IRS4: variants seen among roughly 807,000 people sequenced by gnomAD.
IRS4 encodes 160 kDa phosphotyrosine protein.
In IRS4, 15 loss-of-function variants were observed where a neutral mutation model predicts 48.6. That is an observed-to-expected ratio of 0.31 (90% CI 0.21 to 0.48). The LOEUF (loss-of-function observed/expected upper bound fraction) is 0.48. IRS4 is among the 20% of genes least tolerant of loss of function. The pLI is 0.99. For synonymous variants in IRS4, 459 were observed against 413.2 expected (o/e 1.11, Z -1.34); for missense variants, 987 against 1,023.4 (o/e 0.96, Z 0.49).
chrX:108,731,881 G>A (rs1002969438), intron 1 of IRS4, among the ~76,000 whole-genome samples: 1 of 111,857 alleles, frequency 8.9e-6, no homozygotes, highest in African/African-American at 3.3e-5. Context: ...GAACACTCAA[G>A]GTTTCTGGAA....
chrX:108,734,399 G>C lies in IRS4; in HGVS notation c.1946C>G (p.Ser649Cys). ...AAAATAAAGTCTGAATCTTCCCCCAGACTTCCCTTTTCCACCAGTTCCTCC... is the reference window on the plus strand; with the variant it reads ...AAAATAAAGTCTGAATCTTCCCCCACACTTCCCTTTTCCACCAGTTCCTCC... ...PAGGTGGKGK[S>C]GGRFRLYFCV... The change falls in exon 1 of 2, where the codon TCT (serine) becomes TGT (cysteine). Residue 649 changes from serine (S) to cysteine (C), a missense_variant. Transcript: ENST00000372129. The C allele has an allele frequency of 8.3e-7, 1 of 1,211,843 alleles. No individual in the cohort carries two copies. Among genetic ancestry groups the C allele is most frequent in the African/African-American group, 1.7e-5 (1 of 57,761 alleles).
Position 108,733,254 on chromosome X carries a change from G to A in IRS4, c.3091C>T (p.Leu1031Phe), listed in dbSNP as rs2077679381. 4 of 1,211,910 alleles carry A rather than the reference G, an allele frequency of 3.3e-6. No individual in the cohort carries two copies. The highest frequency in any genetic ancestry group is 3.3e-6 in the Non-Finnish European group (3 of 895,585). ...FNSAMTPAMA[L>F]ADSAIRYDAE... ...TCATAGCGAATGGCACTGTCAGCAA[G>A]AGCCATGGCTGGTGTCATTGCTGAG... Residue 1031 changes from leucine to phenylalanine, a missense_variant, in exon 1 of 2, where the codon CTT becomes TTT. Transcript: ENST00000372129.
rs372895251 is a variant in IRS4, at chrX:108,735,376, C to T, written c.969G>A (p.Leu323=). 2.5e-6 allele frequency: 3 copies of T among 1,211,424 alleles called. No individual in the cohort carries two copies. Among genetic ancestry groups the T allele is most frequent in the Non-Finnish European group, 2.2e-6 (2 of 895,488 alleles). The stretch of plus-strand genomic sequence containing the variant: ...ACAAGGCTCTCATCTTCTCCAAAAA[C>T]AGCTCATGCATGTTTTGGGCAACCA... ...DCVVAQNMHE[L]FLEKMRALCA... is the part of the protein sequence containing the mutation. The change falls in exon 1 of 2, where the codon CTG becomes CTA. Residue 323 remains leucine (L), a synonymous_variant. Transcript: ENST00000372129.
In IRS4 at chrX:108,722,070, GT is replaced by G. The variant is rs1288093979; in HGVS notation, c.*448del. 1 of 112,016 alleles carries G rather than the reference GT, an allele frequency of 8.9e-6. No individual in the cohort carries two copies. Among genetic ancestry groups the G allele is most frequent in the East Asian group, 2.8e-4 (1 of 3,569 alleles). 9.2% of individuals were successfully genotyped at this position (112,016 alleles called of 1,213,427 possible). A position where few individuals can be genotyped will look rare whatever the true frequency, so the allele number is the denominator to read the frequency against. On this transcript the variant is annotated 3_prime_UTR_variant, in exon 2 of 2. Transcript: ENST00000372129. ...TACCTTCCTTCCAATTATGACAGCTGTTTTTTCTTTATGTGCCCTGGTTTAA... is the reference window on the plus strand; with the variant it reads ...TACCTTCCTTCCAATTATGACAGCTGTTTTTCTTTATGTGCCCTGGTTTAA...
In IRS4 at chrX:108,733,201, G is replaced by A; in HGVS notation, c.3144C>T (p.Val1048=). The A allele has an allele frequency of 8.3e-7, 1 of 1,211,607 alleles. No individual in the cohort carries two copies. The highest frequency in any genetic ancestry group is 1.1e-6 in the Non-Finnish European group (1 of 895,395). ...YDAETGRIYV[V]DPFSECCMDI... is the part of the protein sequence containing the mutation. ...CCATACAGCACTCAGAAAATGGGTC[G>A]ACCACATAGATTCGACCTGTTTCAG... Residue 1048 remains valine (V), a synonymous_variant, in exon 1 of 2, where the codon GTC becomes GTT. Coordinates refer to ENST00000372129, the MANE Select transcript of IRS4 (RefSeq NM_001379150.1).
chrX:108,720,341 T>C lies in IRS4; in HGVS notation c.*2178A>G, dbSNP rs913305144. Reference sequence around the variant, plus strand: ...GTTGGTAAACATATTCCACAAAGATTCTTCCAGCACAATACTGAATAAATT... The same window carrying C: ...GTTGGTAAACATATTCCACAAAGATCCTTCCAGCACAATACTGAATAAATT... On this transcript the variant is annotated 3_prime_UTR_variant, in exon 2 of 2. Coordinates refer to ENST00000372129, the MANE Select transcript of IRS4 (RefSeq NM_001379150.1). The C allele has an allele frequency of 2.7e-5, 3 of 112,454 alleles. No individual in the cohort carries two copies. Among genetic ancestry groups the C allele is most frequent in the Admixed American group, 9.4e-5 (1 of 10,620 alleles). The allele number at this position is 112,454 out of a possible 1,213,427, so 9.3% of individuals were successfully genotyped here. A position where few individuals can be genotyped will look rare whatever the true frequency, so the allele number is the denominator to read the frequency against.
intron 1 of IRS4, among the ~76,000 whole-genome samples, chrX:108,731,033 G>A (rs1406802254): frequency 9.0e-6 from 1 of 111,128 alleles, no homozygotes; most frequent in Non-Finnish European, 1.9e-5. Flanking sequence ...GTGATCATGT[G>A]TGTTTGTGTG....
rs2068850576 is a variant in IRS4, at chrX:108,720,079, A to G, written c.*2440T>C. The G allele has an allele frequency of 8.9e-6, 1 of 111,855 alleles. No individual in the cohort carries two copies. Among genetic ancestry groups the G allele is most frequent in the Non-Finnish European group, 1.9e-5 (1 of 53,228 alleles). The allele number at this position is 111,855 out of a possible 1,213,427, so 9.2% of individuals were successfully genotyped here. Reference sequence around the variant, plus strand: ...CCAAAACTGCAAACGAGATGTTTACAAGGAAAAGAAAGTACAAGAGTATTT... The same window carrying G: ...CCAAAACTGCAAACGAGATGTTTACGAGGAAAAGAAAGTACAAGAGTATTT... On this transcript the variant is annotated 3_prime_UTR_variant, in exon 2 of 2. Coordinates refer to ENST00000372129, the MANE Select transcript of IRS4 (RefSeq NM_001379150.1).
In IRS4 at chrX:108,733,343, G is replaced by A; in HGVS notation, c.3002C>T (p.Pro1001Leu). The change falls in exon 1 of 2, where the codon CCC becomes CTC. Residue 1001 changes from proline to leucine, a missense_variant. Coordinates refer to ENST00000372129, the MANE Select transcript of IRS4 (RefSeq NM_001379150.1). Reference protein sequence around the residue: ...DSARWPLPPLPLSATGSNAIE... With the variant: ...DSARWPLPPLLLSATGSNAIE... ...AGCATTGCTACCTGTAGCACTGAGG[G>A]GAAGGGGAGGAAGTGGCCACCTAGC... The A allele has an allele frequency of 8.3e-7, 1 of 1,211,792 alleles. No individual in the cohort carries two copies. The highest frequency in any genetic ancestry group is 1.1e-6 in the Non-Finnish European group (1 of 895,478).
At chrX:108,731,223 G>C (rs957336626) in intron 1 of IRS4, among the ~76,000 whole-genome samples, 3 of 110,605 alleles carry the variant, frequency 2.7e-5, no homozygotes, top group Non-Finnish European at 5.7e-5. Flanking sequence ...AGGGGATGTG[G>C]GGGGGCTACA....
rs1231668135 is a variant in IRS4, at chrX:108,733,305, C to T, written c.3040G>A (p.Gly1014Ser). The T allele has an allele frequency of 2.5e-6, 3 of 1,211,669 alleles. No homozygotes were observed. Among genetic ancestry groups the T allele is most frequent in the Non-Finnish European group, 2.2e-6 (2 of 895,465 alleles). Residue 1014 changes from glycine (G) to serine (S), a missense_variant, in exon 1 of 2, where the codon GGT becomes AGT. Gly to Ser is a moderately conservative substitution (Grantham distance 56, BLOSUM62 0). Around this residue, in one of 4 missense-constraint regions of IRS4, gnomAD observed 720 missense variants for 660.3 expected, o/e 1.09. Coordinates refer to ENST00000372129, the MANE Select transcript of IRS4 (RefSeq NM_001379150.1). ...ATGSNAIEEE[G>S]DYIEVIFNSA... ...TTGAAAATTACTTCAATGTAGTCAC[C>T]CTCTTCCTCAATAGCATTGCTACCT...
intron 1 of IRS4, among the ~76,000 whole-genome samples, chrX:108,725,466 A>AAAAAAAAG (rs1431305483): frequency 3.6e-5 from 4 of 110,036 alleles, no homozygotes; most frequent in African/African-American, 1.3e-4. Context: ...GCACCAAAAA[A>AAAAAAAAG]AAAAAAAAAA....
chrX:108,728,678 T>G (rs2068885480), intron 1 of IRS4, among the ~76,000 whole-genome samples: 1 of 112,053 alleles, frequency 8.9e-6, no homozygotes, highest in African/African-American at 3.2e-5. Flanking sequence ...AATTTAACAA[T>G]AGACCCTTTT....
Position 108,735,032 on chromosome X carries a change from G to A in IRS4, c.1313C>T (p.Pro438Leu). The change falls in exon 1 of 2, where the codon CCC becomes CTC. Residue 438 changes from proline to leucine, a missense_variant. Physicochemically the swap from Pro to Leu is moderately conservative, Grantham distance 98. Coordinates refer to ENST00000372129, the MANE Select transcript of IRS4 (RefSeq NM_001379150.1). ...AGGGTGCCGGGGACGTGCTGGGCTGGGTGCTAAGCGGCGAAAAAAGCTGGC... is the reference window on the plus strand; with the variant it reads ...AGGGTGCCGGGGACGTGCTGGGCTGAGTGCTAAGCGGCGAAAAAAGCTGGC... ...VPASFFRRLA[P>L]SPARPRHPAE... 5.0e-6 allele frequency: 6 copies of A among 1,211,835 alleles called. No homozygotes were observed. Among genetic ancestry groups the A allele is most frequent in the Non-Finnish European group, 6.7e-6 (6 of 895,542 alleles).
Position 108,736,084 on chromosome X carries a change from T to C in IRS4, c.261A>G (p.Lys87=). 1 of 1,210,663 alleles carries C rather than the reference T, an allele frequency of 8.3e-7. No homozygotes were observed. The highest frequency in any genetic ancestry group is 1.1e-6 in the Non-Finnish European group (1 of 895,322). The stretch of plus-strand genomic sequence containing the variant: ...AGTAGCGCCTGTGCCCATGCTTCTG[T>C]TTCCGCAGGTAGCCGCGTTTGCAGA... ...EEVCKRGYLR[K]QKHGHRRYFV... The change falls in exon 1 of 2, where the codon AAA becomes AAG. Residue 87 remains lysine, a synonymous_variant. Transcript: ENST00000372129.
chrX:108,723,236 A>G (rs1322875497), intron 1 of IRS4: 1 of 112,239 alleles, frequency 8.9e-6, no homozygotes, highest in Non-Finnish European at 1.9e-5. Context: ...CAAGTATTCT[A>G]TTTTATTTGA....
At chrX:108,727,818 G>C (rs1324870177) in intron 1 of IRS4, among the ~76,000 whole-genome samples, 1 of 111,963 alleles carries the variant, frequency 8.9e-6, no homozygotes, top group African/African-American at 3.2e-5. Flanking sequence ...TGATTTTCAA[G>C]GCTTCTAAAA....
chrX:108,721,578 T>G lies in IRS4; in HGVS notation c.*941A>C, dbSNP rs1476954114. 3.6e-5 allele frequency: 4 copies of G among 109,937 alleles called. No homozygotes were observed. The East Asian group carries it at 1.1e-3, about 31-fold the overall frequency. 9.1% of individuals were successfully genotyped at this position (109,937 alleles called of 1,213,427 possible). ...GTAGCCATGGGCATAAGAGGAAGAG[T>G]GTGCATTGGGGAAAATGGAGAAAGA... is the stretch of plus-strand genomic sequence containing the variant. On this transcript the variant is annotated 3_prime_UTR_variant, in exon 2 of 2. Coordinates refer to ENST00000372129, the MANE Select transcript of IRS4 (RefSeq NM_001379150.1).
At position 108,733,758 on chromosome X, in the gene IRS4, A is replaced by G; in HGVS notation, c.2587T>C (p.Ser863Pro). The G allele has an allele frequency of 1.7e-6, 2 of 1,211,900 alleles. No individual in the cohort carries two copies. The highest frequency in any genetic ancestry group is 2.2e-6 in the Non-Finnish European group (2 of 895,504). Residue 863 changes from serine (S) to proline (P), a missense_variant, in exon 1 of 2, where the codon TCA becomes CCA. Ser to Pro is a moderately conservative substitution (Grantham distance 74). This residue lies in a region of IRS4 where 720 missense variants were observed against 660.3 expected (regional missense o/e 1.09). Coordinates refer to ENST00000372129, the MANE Select transcript of IRS4 (RefSeq NM_001379150.1). ...DAASKPSGEG[S>P]FSKPGDGGSP... is the part of the protein sequence containing the mutation. ...CCCCCATCTCCAGGCTTTGAGAATG[A>G]TCCCTCACCTGAAGGCTTTGAAGCT...
Sources: gnomAD v4.1 joint callset for allele counts (sites outside exome capture counted in the v4.1 genomes callset) on GRCh38, gnomAD v4.1.1 for gene constraint, gnomAD v4.1.1 regional missense constraint, MANE v1.5 for transcripts, NCBI Gene and HGNC (gene_info 2026-07-23, HGNC 2026-07-21) for gene names.